The following FBXL7 variants were observed in gnomAD, a reference collection of about 807,000 sequenced individuals.
FBXL7 encodes F-box and leucine rich repeat protein 7, also known as F-box/LRR-repeat protein 7.
A neutral mutation model predicts 38.3 loss-of-function variants in FBXL7; 12 were observed. The observed-to-expected ratio is 0.31, with a 90% CI of 0.20 to 0.51. FBXL7 has a LOEUF of 0.51. FBXL7 is among the 20% of genes least tolerant of loss of function. FBXL7 has a pLI of 0.98. For synonymous variants in FBXL7, 297 were observed against 300.9 expected, an observed-to-expected ratio of 0.99 and a Z score of 0.13; for missense variants, 567 against 676.4, an observed-to-expected ratio of 0.84 and a Z score of 1.79.
At chr5:15,684,190 C>G (rs949386953) in intron 2 of FBXL7, among the ~76,000 whole-genome samples, 2 of 152,120 alleles carry the variant, frequency 1.3e-5, no homozygotes, top group Non-Finnish European at 2.9e-5. Flanking sequence ...GTCATTTGTG[C>G]AAATTTATGA....
chr5:15,715,728 A>G (rs906383019), intron 2 of FBXL7, among the ~76,000 whole-genome samples: 46 of 152,324 alleles, frequency 3.0e-4, no homozygotes, highest in African/African-American at 9.6e-4. Context: ...CACATGGTAT[A>G]AACCAGTGCC....
At chr5:15,845,795 C>A (rs7709575) in intron 2 of FBXL7, among the ~76,000 whole-genome samples, 1 of 151,638 alleles carries the variant, frequency 6.6e-6, no homozygotes, top group African/African-American at 2.4e-5. Context: ...CACGGTGAAA[C>A]CCCGTCTCTA....
chr5:15,523,338 C>T (rs665158), intron 1 of FBXL7, among the ~76,000 whole-genome samples: 3,067 of 152,252 alleles, frequency 0.02, 116 homozygotes, highest in African/African-American at 0.071. Context: ...GTGGATGGAT[C>T]ACGAGGTCAG....
intron 2 of FBXL7, among the ~76,000 whole-genome samples, chr5:15,650,094 T>G (rs959470443): frequency 3.9e-5 from 6 of 152,200 alleles, no homozygotes; most frequent in African/African-American, 1.4e-4. Context: ...TCTATCATGC[T>G]TTCTGGAGTA....
rs577730064 is a variant in FBXL7, at chr5:15,864,361, G to A, written c.128-63529G>A. 9.2e-5 allele frequency among the ~76,000 whole-genome samples: 14 copies of A among 152,038 alleles called. 1 individual carries two copies. Among genetic ancestry groups the A allele is most frequent in the African/African-American group, 3.4e-4 (14 of 41,472 alleles). On this transcript the variant is annotated intron_variant, in intron 2 of 3. Coordinates refer to ENST00000504595, the MANE Select transcript of FBXL7 (RefSeq NM_012304.5). ...GAGTTGTAGGTGGTTCTCTATCAGT[G>A]CCTAATCTTGTACTTGGTGGTCATT...
At chr5:15,685,590 T>G (rs2126615450) in intron 2 of FBXL7, among the ~76,000 whole-genome samples, 1 of 152,272 alleles carries the variant, frequency 6.6e-6, no homozygotes, top group Non-Finnish European at 1.5e-5. Context: ...ATATAAAGGC[T>G]GATGGGAGGC....
At chr5:15,504,405 G>C (rs761371773) in intron 1 of FBXL7, among the ~76,000 whole-genome samples, 2 of 152,066 alleles carry the variant, frequency 1.3e-5, no homozygotes, top group Non-Finnish European at 2.9e-5. Flanking sequence ...TTGATCTCTC[G>C]TCTCTGTCTT....
chr5:15,779,905 C>T (rs1488965871), intron 2 of FBXL7, among the ~76,000 whole-genome samples: 2 of 152,156 alleles, frequency 1.3e-5, no homozygotes, highest in African/African-American at 2.4e-5. Flanking sequence ...GCAAAGATTT[C>T]TGAAATTTCC....
intron 2 of FBXL7, among the ~76,000 whole-genome samples, chr5:15,863,285 G>A (rs1367992772): frequency 6.6e-6 from 1 of 152,156 alleles, no homozygotes; most frequent in Non-Finnish European, 1.5e-5. Context: ...GATTTTCAGT[G>A]TTAACCTTTT....
At chr5:15,796,801 G>C (rs1038751014) in intron 2 of FBXL7, among the ~76,000 whole-genome samples, 1 of 152,154 alleles carries the variant, frequency 6.6e-6, no homozygotes. Flanking sequence ...ACAACCTGAG[G>C]TATTGATTAG....
At chr5:15,859,430 TCACCTGTA>T (rs756681192) in intron 2 of FBXL7, among the ~76,000 whole-genome samples, 1 of 152,050 alleles carries the variant, frequency 6.6e-6, no homozygotes, top group Non-Finnish European at 1.5e-5. Context: ...ACAAATTATC[TCACCTGTA>T]TTAGTCCATT....
At chr5:15,673,282 C>CTCCA (rs1458161259) in intron 2 of FBXL7, among the ~76,000 whole-genome samples, 1 of 151,892 alleles carries the variant, frequency 6.6e-6, no homozygotes, top group African/African-American at 2.4e-5. Context: ...CACTACTACA[C>CTCCA]TCCAGCCTGG....
intron 2 of FBXL7, among the ~76,000 whole-genome samples, chr5:15,631,095 C>G (rs928044152): frequency 6.6e-6 from 1 of 152,074 alleles, no homozygotes; most frequent in African/African-American, 2.4e-5. Flanking sequence ...GCAAAGTCTT[C>G]CTTAAATGAA....
intron 2 of FBXL7, among the ~76,000 whole-genome samples, chr5:15,813,664 T>C (rs1377212232): frequency 6.6e-6 from 1 of 152,104 alleles, no homozygotes. Context: ...AGAAAATTTT[T>C]GCAATCTACC....
chr5:15,629,970 A>G (rs1475377111), intron 2 of FBXL7, among the ~76,000 whole-genome samples: 3 of 152,154 alleles, frequency 2.0e-5, no homozygotes, highest in African/African-American at 7.2e-5. Flanking sequence ...CATCATGGGA[A>G]TATTTGGCAG....
At chr5:15,639,757 A>G (rs1398327791) in intron 2 of FBXL7, among the ~76,000 whole-genome samples, 1 of 151,850 alleles carries the variant, frequency 6.6e-6, no homozygotes, top group African/African-American at 2.4e-5. Flanking sequence ...ACACATGGAA[A>G]ATGCTCAATG....
intron 2 of FBXL7, among the ~76,000 whole-genome samples, chr5:15,662,284 C>T (rs920344746): frequency 3.3e-5 from 5 of 152,170 alleles, no homozygotes; most frequent in African/African-American, 1.2e-4. Context: ...TTATCAGCTG[C>T]ATGTATGTCT....
chr5:15,582,647 G>A (rs552990974), intron 1 of FBXL7, among the ~76,000 whole-genome samples: 92 of 152,252 alleles, frequency 6.0e-4, no homozygotes, highest in African/African-American at 2.2e-3. Context: ...AAACAGCTTT[G>A]AGTATAACAC....
At chr5:15,879,263 C>T (rs1312774669) in intron 2 of FBXL7, among the ~76,000 whole-genome samples, 1 of 152,184 alleles carries the variant, frequency 6.6e-6, no homozygotes. Context: ...TAACCTGATT[C>T]TCAGTTGTGA....
Sources: allele counts gnomAD v4.1 joint callset (sites outside exome capture counted in the v4.1 genomes callset), GRCh38; gene constraint gnomAD v4.1.1; transcripts MANE v1.5; gene names NCBI Gene and HGNC (gene_info 2026-07-23, HGNC 2026-07-21).